Variants in ARHGEF4 observed in about 807,000 individuals in gnomAD.
ARHGEF4 encodes the protein APC-stimulated guanine nucleotide exchange factor 1.
ARHGEF4 carries 119 observed loss-of-function variants against 162.0 expected under a neutral mutation model. The ratio of observed to expected loss-of-function variants is 0.73; its 90% CI spans 0.63 to 0.86. The LOEUF (loss-of-function observed/expected upper bound fraction) is 0.86, where lower values mean the gene tolerates loss of function less well. ARHGEF4 is among the 40% of genes least tolerant of loss of function. The pLI is 0.00. For synonymous variants in ARHGEF4, 1,014 were observed against 979.9 expected (o/e 1.03, Z -0.65); for missense variants, 2,488 against 2,456.0 (o/e 1.01, Z -0.28).
rs574060895 is a variant in ARHGEF4, at chr2:131,046,022, G to A, written c.5480-16G>A. The A allele has an allele frequency of 7.5e-6, 12 of 1,605,278 alleles. No individual in the cohort carries two copies. In the African/African-American group the frequency reaches 1.5e-4, roughly 20 times the overall value. ...CCCTGGGCACCCATGACCCTCTGCT[G>A]TCTCTCCCTGTTCAGCTGTTGGCCG... On this transcript the variant is annotated splice_polypyrimidine_tract_variant and intron_variant, in intron 13 of 13. Coordinates refer to ENST00000409359, the MANE Select transcript of ARHGEF4 (RefSeq NM_001367493.1).
intron 4 of ARHGEF4, among the ~76,000 whole-genome samples, chr2:130,984,730 C>T (rs1686361711): frequency 1.3e-5 from 2 of 151,788 alleles, no homozygotes; most frequent in Admixed American, 1.3e-4. Flanking sequence ...TTCTAATTTC[C>T]CATGACTATA....
At chr2:130,894,047 AC>A (rs1680016126) in intron 1 of ARHGEF4, among the ~76,000 whole-genome samples, 1 of 152,242 alleles carries the variant, frequency 6.6e-6, no homozygotes, top group African/African-American at 2.4e-5. Flanking sequence ...CGAGGCAGGC[AC>A]CGGCACATCA....
chr2:130,840,285 C>T (rs541788075), intron 1 of ARHGEF4, among the ~76,000 whole-genome samples: 2 of 152,320 alleles, frequency 1.3e-5, no homozygotes, highest in Non-Finnish European at 2.9e-5. Context: ...AGGATTGTGA[C>T]AGCTTCAGTC....
chr2:130,876,538 C>T (rs1678857511), intron 1 of ARHGEF4, among the ~76,000 whole-genome samples: 1 of 152,130 alleles, frequency 6.6e-6, no homozygotes, highest in Admixed American at 6.6e-5. Context: ...ACTACAGGGG[C>T]CCGCCAACAT....
intron 4 of ARHGEF4, among the ~76,000 whole-genome samples, chr2:130,973,534 GC>G (rs1001198645): frequency 6.6e-6 from 1 of 152,096 alleles, no homozygotes; most frequent in Non-Finnish European, 1.5e-5. Flanking sequence ...ATGACTGCTG[GC>G]CCCATACTAG....
intron 1 of ARHGEF4, among the ~76,000 whole-genome samples, chr2:130,843,091 T>C (rs937056385): frequency 6.6e-6 from 1 of 152,136 alleles, no homozygotes; most frequent in Non-Finnish European, 1.5e-5. Context: ...CTGCCTCCTT[T>C]CTATTTTCAA....
chr2:130,876,924 G>A (rs1678885671), intron 1 of ARHGEF4, among the ~76,000 whole-genome samples: 3 of 152,182 alleles, frequency 2.0e-5, no homozygotes, highest in Admixed American at 1.3e-4. Context: ...TTTTAGATAT[G>A]TGTGAATATA....
At chr2:131,028,204 GGCCATACACA>G in intron 5 of ARHGEF4, 120 bp downstream of exon 5, 1 of 1,386,390 alleles carries the variant, frequency 7.2e-7, no homozygotes. Context: ...TGGTGGTGCT[GGCCATACACA>G]GCGCAGTTTC....
At chr2:130,986,998 C>A (rs748209583) in intron 4 of ARHGEF4, among the ~76,000 whole-genome samples, 2 of 152,220 alleles carry the variant, frequency 1.3e-5, no homozygotes, top group African/African-American at 4.8e-5. Context: ...AGCAAGCCAA[C>A]GCTGGCTCTT....
In ARHGEF4 at chr2:130,917,344, CT is replaced by C; in HGVS notation, c.3399del (p.Glu1134LysfsTer19). The C allele has an allele frequency of 6.4e-7, 1 of 1,550,584 alleles. No homozygotes were observed. The highest frequency in any genetic ancestry group is 8.7e-7 in the Non-Finnish European group (1 of 1,147,004). ...YSYVDSSSGD[P>X]ERPKIPKGQT... ...TACGTGGACAGCAGTTCAGGGGACC[CT>C]GAAAGACCCAAGATTCCCAAGGGCC... On this transcript the variant is annotated frameshift_variant, in exon 2 of 14. Transcript: ENST00000409359. LOFTEE classifies it high-confidence loss of function.
intron 4 of ARHGEF4, among the ~76,000 whole-genome samples, chr2:131,001,160 G>A (rs528203162): frequency 1.3e-3 from 198 of 151,870 alleles, no homozygotes; most frequent in African/African-American, 4.2e-3. Flanking sequence ...AACTTTAGCC[G>A]GGCGTGGCAG....
chr2:130,976,789 C>T (rs572419320), intron 4 of ARHGEF4, among the ~76,000 whole-genome samples: 5 of 152,296 alleles, frequency 3.3e-5, no homozygotes, highest in Admixed American at 6.5e-5. Flanking sequence ...AGCACAGCCT[C>T]GCCTGCAGAG....
chr2:130,870,863 G>T (rs1418555922), intron 1 of ARHGEF4, among the ~76,000 whole-genome samples: 1 of 152,076 alleles, frequency 6.6e-6, no homozygotes, highest in Non-Finnish European at 1.5e-5. Context: ...CTGACTCTTG[G>T]CTAGGTGCAG....
chr2:130,873,326 C>T (rs1477631421), intron 1 of ARHGEF4, among the ~76,000 whole-genome samples: 8 of 152,136 alleles, frequency 5.3e-5, no homozygotes, highest in Admixed American at 1.3e-4. Flanking sequence ...ACGGTGGCCA[C>T]GCCTGTAATC....
At chr2:130,906,164 A>G (rs1328451917) in intron 1 of ARHGEF4, among the ~76,000 whole-genome samples, 3 of 152,044 alleles carry the variant, frequency 2.0e-5, no homozygotes, top group South Asian at 2.1e-4. Flanking sequence ...TTCACCTTCT[A>G]TTTGCCCTTG....
intron 1 of ARHGEF4, among the ~76,000 whole-genome samples, chr2:130,870,867 G>C (rs972381840): frequency 6.6e-6 from 1 of 152,134 alleles, no homozygotes; most frequent in Non-Finnish European, 1.5e-5. Flanking sequence ...CTCTTGGCTA[G>C]GTGCAGGGTA....
At chr2:130,955,856 C>T (rs1400730269) in intron 4 of ARHGEF4, among the ~76,000 whole-genome samples, 1 of 152,172 alleles carries the variant, frequency 6.6e-6, no homozygotes, top group African/African-American at 2.4e-5. Flanking sequence ...CACAGATTTC[C>T]TCTTAATTCC....
intron 4 of ARHGEF4, among the ~76,000 whole-genome samples, chr2:130,949,606 G>A (rs781349861): frequency 6.6e-6 from 1 of 151,426 alleles, no homozygotes; most frequent in African/African-American, 2.4e-5. Flanking sequence ...CGCCTGTCTT[G>A]GCCTCCCAAA....
chr2:130,904,893 A>T (rs1005511211), intron 1 of ARHGEF4, among the ~76,000 whole-genome samples: 10 of 152,182 alleles, frequency 6.6e-5, no homozygotes, highest in Non-Finnish European at 1.3e-4. Context: ...AGCCTGGCCA[A>T]CATGGCGAAA....
Sources: gnomAD v4.1 joint callset for allele counts (sites outside exome capture counted in the v4.1 genomes callset) on GRCh38, gnomAD v4.1.1 for gene constraint, MANE v1.5 for transcripts, NCBI Gene and HGNC (gene_info 2026-07-23, HGNC 2026-07-21) for gene names.